Variants in NUDT5 observed in about 807,000 individuals in gnomAD.
NUDT5 encodes the protein ADP-sugar pyrophosphatase.
NUDT5 carries 21 observed loss-of-function variants against 34.1 expected under a neutral mutation model. That is an observed-to-expected ratio of 0.62 (90% CI 0.44 to 0.89). The LOEUF (loss-of-function observed/expected upper bound fraction) is 0.89, where lower values mean the gene tolerates loss of function less well. NUDT5 is among the 40% of genes least tolerant of loss of function. The pLI is 0.00. For synonymous variants in NUDT5, 85 were observed against 97.6 expected (o/e 0.87, Z 0.76); for missense variants, 249 against 274.8 (o/e 0.91, Z 0.66).
chr10:12,177,029 G>A (rs1834961647), intron 5 of NUDT5, among the ~76,000 whole-genome samples: 1 of 151,866 alleles, frequency 6.6e-6, no homozygotes, highest in South Asian at 2.1e-4. Context: ...GGCTGAGGCA[G>A]GAGAATCGCT....
Position 12,173,860 on chromosome 10 carries a change from T to C in NUDT5, c.290-47A>G. The C allele has an allele frequency of 7.5e-7, 1 of 1,329,154 alleles. No homozygotes were observed. Among genetic ancestry groups the C allele is most frequent in the Non-Finnish European group, 1.0e-6 (1 of 968,972 alleles). The allele number at this position is 1,329,154 out of a possible 1,614,324, so 82.3% of individuals were successfully genotyped here. A position where few individuals can be genotyped will look rare whatever the true frequency, so the allele number is the denominator to read the frequency against. On this transcript the variant is annotated intron_variant, in intron 5 of 9. Transcript: ENST00000491614. This position sits in a 1 kb window ranked among gnomAD's most constrained non-coding sequence, Gnocchi z 4.7. ...GTGATGGGAGCGGGAAATCCGGTTC[T>C]TTAAACCCTCCTTTTTTTTTTTTTG...
At chr10:12,174,374 C>A (rs1206943134) in intron 5 of NUDT5, among the ~76,000 whole-genome samples, 1 of 150,726 alleles carries the variant, frequency 6.6e-6, no homozygotes, top group Non-Finnish European at 1.5e-5. Context: ...TTAAACGATT[C>A]TCCTGCCTCA....
At position 12,193,011 on chromosome 10, in the gene NUDT5, T is replaced by G. The variant is rs183279277; in HGVS notation, c.-42+2759A>C. Among the ~76,000 whole-genome samples, 631 of 74,722 alleles carry G rather than the reference T, an allele frequency of 8.4e-3. 4 individuals are homozygous for G. The highest frequency in any genetic ancestry group is 0.012 in the Admixed American group (97 of 8,108). 49.0% of individuals were successfully genotyped at this position (74,722 alleles called of 152,430 possible). ...GGGAGTAATTAACGTTTACTGAAAT[T>G]ATGCTACTTGGTGATCTCCAGGAAT... On this transcript the variant is annotated intron_variant, in intron 1 of 9. Transcript: ENST00000491614.
intron 1 of NUDT5, among the ~76,000 whole-genome samples, chr10:12,193,658 G>C (rs1449293831): frequency 6.6e-6 from 1 of 152,264 alleles, no homozygotes; most frequent in South Asian, 2.1e-4. Flanking sequence ...TTTATTTGAT[G>C]CTGGTTAAAT....
intron 1 of NUDT5, among the ~76,000 whole-genome samples, chr10:12,190,606 CT>C (rs1013405393): frequency 0.038 from 4,901 of 127,946 alleles, 66 homozygotes; most frequent in South Asian, 0.092. Flanking sequence ...ATGATAAAGC[CT>C]TTTTTTTTTT....
rs921533779 is a variant in NUDT5, at chr10:12,186,352, G to T, written c.-41-20C>A. The T allele has an allele frequency of 8.3e-5, 103 of 1,233,558 alleles. No homozygotes were observed. The highest frequency in any genetic ancestry group is 1.2e-4 in the Non-Finnish European group (101 of 836,774). 76.4% of individuals were successfully genotyped at this position (1,233,558 alleles called of 1,614,324 possible). A position where few individuals can be genotyped will look rare whatever the true frequency, so the allele number is the denominator to read the frequency against. Reference sequence around the variant, plus strand: ...TTCACCCTGCAAGATAATGAGATTTGTTCAGGCTAAAATTATTTTTCTGAA... The same window carrying T: ...TTCACCCTGCAAGATAATGAGATTTTTTCAGGCTAAAATTATTTTTCTGAA... On this transcript the variant is annotated intron_variant, in intron 1 of 9. Coordinates refer to ENST00000491614, the MANE Select transcript of NUDT5 (RefSeq NM_014142.4).
intron 1 of NUDT5, among the ~76,000 whole-genome samples, chr10:12,191,575 C>T (rs1176426031): frequency 6.6e-6 from 1 of 152,150 alleles, no homozygotes; most frequent in East Asian, 1.9e-4. Flanking sequence ...GCACAAATTA[C>T]TGTTGTGATA....
chr10:12,172,649 T>G, intron 7 of NUDT5, 116 bp downstream of exon 7: 1 of 700,102 alleles, frequency 1.4e-6, no homozygotes, highest in East Asian at 2.7e-5. Flanking sequence ...GAAGTCTATT[T>G]GAAAGACCGA....
intron 1 of NUDT5, among the ~76,000 whole-genome samples, chr10:12,189,430 A>G (rs1443057092): frequency 6.6e-6 from 1 of 152,204 alleles, no homozygotes; most frequent in Non-Finnish European, 1.5e-5. Flanking sequence ...TTTCTTTGGA[A>G]TGCAATCAGC....
intron 1 of NUDT5, among the ~76,000 whole-genome samples, chr10:12,193,507 T>G (rs189123974): frequency 6.6e-6 from 1 of 152,344 alleles, no homozygotes; most frequent in African/African-American, 2.4e-5. Flanking sequence ...TTTCCACTGT[T>G]GAAAGGTTTT....
chr10:12,168,747 A>C lies in NUDT5; in HGVS notation c.551-936T>G, dbSNP rs1162537678. On this transcript the variant is annotated intron_variant, in intron 9 of 9. Transcript: ENST00000491614. This position sits in a 1 kb window ranked among gnomAD's most constrained non-coding sequence, Gnocchi z 4.8. ...CTGGCAGATGCTACTCTTTGTAGCA[A>C]ACTGATCTTTTTTTAATTTTTTTTT... 6.6e-6 allele frequency among the ~76,000 whole-genome samples: 1 copy of C among 152,018 alleles called. No individual in the cohort carries two copies. Among genetic ancestry groups the C allele is most frequent in the African/African-American group, 2.4e-5 (1 of 41,394 alleles).
intron 3 of NUDT5, among the ~76,000 whole-genome samples, chr10:12,183,304 C>A (rs1386910238): frequency 7.9e-5 from 12 of 152,200 alleles, no homozygotes; most frequent in Admixed American, 7.9e-4. Flanking sequence ...GAGTTACAGT[C>A]TTTCATGGTT....
At chr10:12,172,960 G>T in intron 6 of NUDT5, 94 bp from the exon 7 acceptor site, 2 of 883,664 alleles carry the variant, frequency 2.3e-6, no homozygotes, top group Non-Finnish European at 3.6e-6. Flanking sequence ...GCTCAGCATT[G>T]ACGTGGAGGT....
Position 12,169,480 on chromosome 10 carries a change from G to A in NUDT5, c.550+1237C>T, listed in dbSNP as rs1371594527. 1.7e-5 allele frequency: 10 copies of A among 580,936 alleles called. No homozygotes were observed. The highest frequency in any genetic ancestry group is 6.0e-5 in the East Asian group (2 of 33,158). 36.0% of individuals were successfully genotyped at this position (580,936 alleles called of 1,614,324 possible). A position where few individuals can be genotyped will look rare whatever the true frequency, so the allele number is the denominator to read the frequency against. On this transcript the variant is annotated intron_variant, in intron 9 of 9. Coordinates refer to ENST00000491614, the MANE Select transcript of NUDT5 (RefSeq NM_014142.4). This position sits in a 1 kb window ranked among gnomAD's most constrained non-coding sequence, Gnocchi z 4.8. ...GATGTGATAGCTAATTATGGTCCGC[G>A]GAGCCTCAAACCGAGTCGGGCCTGT...
intron 3 of NUDT5, 93 bp from the exon 4 acceptor site, chr10:12,179,225 T>C (rs1265667167): frequency 2.2e-6 from 2 of 915,814 alleles, no homozygotes; most frequent in East Asian, 2.4e-5. Flanking sequence ...TTAAATGCAA[T>C]GCATGCAAAT....
In NUDT5 at chr10:12,170,388, C is replaced by G; in HGVS notation, c.550+329G>C. 1 of 638,160 alleles carries G rather than the reference C, an allele frequency of 1.6e-6. No homozygotes were observed. The highest frequency in any genetic ancestry group is 2.7e-6 in the Non-Finnish European group (1 of 367,898). 39.5% of individuals were successfully genotyped at this position (638,160 alleles called of 1,614,324 possible). A position where few individuals can be genotyped will look rare whatever the true frequency, so the allele number is the denominator to read the frequency against. Reference sequence around the variant, plus strand: ...GAGGAAAAGCTAACAGCTTATCTACCCACACCTTTGCATTGCTATGGACTG... The same window carrying G: ...GAGGAAAAGCTAACAGCTTATCTACGCACACCTTTGCATTGCTATGGACTG... On this transcript the variant is annotated intron_variant, in intron 9 of 9. Coordinates refer to ENST00000491614, the MANE Select transcript of NUDT5 (RefSeq NM_014142.4). This position sits in a 1 kb window ranked among gnomAD's most constrained non-coding sequence, Gnocchi z 4.9.
rs535440410 is a variant in NUDT5 at position 12,171,739 on chromosome 10, T to A, written c.488-831A>T. Among the ~76,000 whole-genome samples, 51 of 137,388 alleles carry A rather than the reference T, an allele frequency of 3.7e-4. No individual in the cohort carries two copies. Among genetic ancestry groups the A allele is most frequent in the Non-Finnish European group, 6.6e-4 (41 of 62,584 alleles). 90.1% of individuals were successfully genotyped at this position (137,388 alleles called of 152,430 possible). On this transcript the variant is annotated intron_variant, in intron 7 of 9. Coordinates refer to ENST00000491614, the MANE Select transcript of NUDT5 (RefSeq NM_014142.4). The surrounding 1 kb of genome is among the most constrained non-coding windows in gnomAD (Gnocchi z 4.2). ...TATTTATTTATTTATTTATTTATTTTTTGGAGACAGGGTCTCAGTCTGTTG... is the reference window on the plus strand; with the variant it reads ...TATTTATTTATTTATTTATTTATTTATTGGAGACAGGGTCTCAGTCTGTTG...
At chr10:12,191,712 T>G (rs1017120502) in intron 1 of NUDT5, among the ~76,000 whole-genome samples, 6 of 152,104 alleles carry the variant, frequency 3.9e-5, no homozygotes, top group African/African-American at 1.4e-4. Context: ...CATAGTGAGA[T>G]CCTATGTAAA....
In NUDT5 at chr10:12,170,138, C is replaced by T; in HGVS notation, c.550+579G>A. Reference sequence around the variant, plus strand: ...ATCAAAGGACTTTTCTCCCCATAAGCTTACTGTTTACAAAGTCTCTAAAAG... The same window carrying T: ...ATCAAAGGACTTTTCTCCCCATAAGTTTACTGTTTACAAAGTCTCTAAAAG... On this transcript the variant is annotated intron_variant, in intron 9 of 9. Transcript: ENST00000491614. This position sits in a 1 kb window ranked among gnomAD's most constrained non-coding sequence, Gnocchi z 4.9. 2 of 1,612,550 alleles carry T rather than the reference C, an allele frequency of 1.2e-6. No homozygotes were observed. Among genetic ancestry groups the T allele is most frequent in the Non-Finnish European group, 1.7e-6 (2 of 1,179,640 alleles).
Sources: allele counts gnomAD v4.1 joint callset (sites outside exome capture counted in the v4.1 genomes callset), GRCh38; gene constraint gnomAD v4.1.1; non-coding constraint Gnocchi (gnomAD v3.1); transcripts MANE v1.5; gene names NCBI Gene and HGNC (gene_info 2026-07-23, HGNC 2026-07-21).